OXR1: variants seen among roughly 807,000 people sequenced by gnomAD.
OXR1 encodes oxidation resistance 1, also known as oxidation resistance protein 1.
In OXR1, 41 loss-of-function variants were observed where a neutral mutation model predicts 104.6. The ratio of observed to expected loss-of-function variants is 0.39; its 90% confidence interval spans 0.31 to 0.51. The LOEUF is 0.51. Among genes scored for constraint, OXR1 ranks in the 20% least tolerant of loss-of-function variants. The pLI is 0.77. For missense variants in OXR1, 955 were observed against 1,031.9 expected, an observed-to-expected ratio of 0.93 and a Z score of 1.02; for synonymous variants, 348 against 348.4, an observed-to-expected ratio of 1.00 and a Z score of 0.01.
At chr8:106,506,450 A>G (rs190927367) in intron 2 of OXR1, among the ~76,000 whole-genome samples, 2,589 of 152,150 alleles carry the variant, frequency 0.017, 39 homozygotes, top group Non-Finnish European at 0.025. Context: ...CGTCTCTACT[A>G]AAAATACAAA....
At chr8:106,658,318 G>C (rs1228668314) in intron 3 of OXR1, 1 of 1,087,286 alleles carries the variant, frequency 9.2e-7, no homozygotes, top group South Asian at 4.7e-5. Context: ...CGGGCAACGT[G>C]GCCGGGGTGG....
At chr8:106,743,301 A>C (rs1270227692) in intron 15 of OXR1, among the ~76,000 whole-genome samples, 1 of 152,154 alleles carries the variant, frequency 6.6e-6, no homozygotes, top group African/African-American at 2.4e-5. Flanking sequence ...TTGCAGAGAA[A>C]AAGGAATGTT....
At chr8:106,710,395 A>G (rs552847191) in intron 9 of OXR1, among the ~76,000 whole-genome samples, 39 of 152,222 alleles carry the variant, frequency 2.6e-4, no homozygotes, top group Middle Eastern at 3.4e-3. Context: ...GTCCTTAGAC[A>G]TAATTTTTAT....
chr8:106,580,460 CTATT>C (rs1289894512), intron 3 of OXR1, among the ~76,000 whole-genome samples: 6 of 152,142 alleles, frequency 3.9e-5, no homozygotes, highest in African/African-American at 7.2e-5. Flanking sequence ...ATTTGTATAT[CTATT>C]CATTCATTGG....
At chr8:106,402,941 C>T (rs1404193506) in intron 2 of OXR1, among the ~76,000 whole-genome samples, 3 of 152,192 alleles carry the variant, frequency 2.0e-5, no homozygotes, top group Non-Finnish European at 4.4e-5. Flanking sequence ...CTGCCTCAGC[C>T]TCCAGAGTAG....
chr8:106,557,184 T>A (rs1055024790), intron 3 of OXR1, among the ~76,000 whole-genome samples: 1 of 152,202 alleles, frequency 6.6e-6, no homozygotes, highest in Non-Finnish European at 1.5e-5. Context: ...TTTCCTGTTC[T>A]AATTGAGGAA....
intron 2 of OXR1, among the ~76,000 whole-genome samples, chr8:106,466,281 A>T (rs1482962766): frequency 6.6e-6 from 1 of 151,976 alleles, no homozygotes; most frequent in East Asian, 1.9e-4. Flanking sequence ...TTTAGAAAAT[A>T]TTATAGAAGT....
chr8:106,524,593 C>A (rs1387501911), intron 3 of OXR1, among the ~76,000 whole-genome samples: 1 of 152,170 alleles, frequency 6.6e-6, no homozygotes, highest in Non-Finnish European at 1.5e-5. Flanking sequence ...TCAATCCCTG[C>A]TGTGTGAAGG....
At chr8:106,509,675 A>G (rs760819299) in intron 2 of OXR1, among the ~76,000 whole-genome samples, 132 of 152,216 alleles carry the variant, frequency 8.7e-4, no homozygotes, top group Non-Finnish European at 1.2e-3. Context: ...AGAAATTATA[A>G]AATGACTTAG....
chr8:106,507,787 G>A (rs994317812), intron 2 of OXR1, among the ~76,000 whole-genome samples: 1 of 152,152 alleles, frequency 6.6e-6, no homozygotes, highest in Non-Finnish European at 1.5e-5. Context: ...AGTGTAGGAG[G>A]AAGTTTTTCT....
intron 2 of OXR1, among the ~76,000 whole-genome samples, chr8:106,504,182 A>C (rs1012788973): frequency 3.3e-5 from 5 of 152,204 alleles, no homozygotes; most frequent in African/African-American, 1.2e-4. Flanking sequence ...CTTTGTACAC[A>C]TGAAGGAATT....
At position 106,726,406 on chromosome 8, in the gene OXR1, G is replaced by A. The variant is rs1833351415; in HGVS notation, c.1957-11114G>A. On this transcript the variant is annotated intron_variant, in intron 11 of 16. Coordinates refer to ENST00000517566, the MANE Select transcript of OXR1 (RefSeq NM_001198533.2). ...CAATTTCTGAAAGTTTAAGCATAGA[G>A]GATATTTATAGAATACAAAATTTTA... 6.0e-6 allele frequency: 4 copies of A among 670,090 alleles called. No homozygotes were observed. The East Asian group carries it at 1.3e-4, about 21-fold the overall frequency. 41.5% of individuals were successfully genotyped at this position (670,090 alleles called of 1,614,324 possible). A position where few individuals can be genotyped will look rare whatever the true frequency, so the allele number is the denominator to read the frequency against.
rs563208878 is a variant in OXR1 at position 106,720,755 on chromosome 8, A to G, written c.1956+6770A>G. The G allele has an allele frequency of 8.6e-6, 8 of 926,962 alleles. No homozygotes were observed. In the African/African-American group the frequency reaches 1.4e-4, roughly 16 times the overall value. 57.4% of individuals were successfully genotyped at this position (926,962 alleles called of 1,614,324 possible). A position where few individuals can be genotyped will look rare whatever the true frequency, so the allele number is the denominator to read the frequency against. ...AAACATACCAGGCTGTAAGTCAATG[A>G]TCTTTGAACTTTGTCTTCTTCAACT... On this transcript the variant is annotated intron_variant, in intron 11 of 16. Coordinates refer to ENST00000517566, the MANE Select transcript of OXR1 (RefSeq NM_001198533.2).
chr8:106,635,835 A>G (rs1823086283), intron 3 of OXR1, among the ~76,000 whole-genome samples: 1 of 152,188 alleles, frequency 6.6e-6, no homozygotes, highest in African/African-American at 2.4e-5. Context: ...TCTTTCTCCA[A>G]AGGATTTTTT....
At chr8:106,442,698 T>G (rs1212006420) in intron 2 of OXR1, among the ~76,000 whole-genome samples, 2 of 152,222 alleles carry the variant, frequency 1.3e-5, no homozygotes. Context: ...TCTAGTTTAT[T>G]TGCATAGAAG....
At chr8:106,480,615 A>C (rs1213384698) in intron 2 of OXR1, among the ~76,000 whole-genome samples, 1 of 151,970 alleles carries the variant, frequency 6.6e-6, no homozygotes, top group African/African-American at 2.4e-5. Context: ...CTACACAATA[A>C]GGGTTTACTG....
At chr8:106,324,568 C>T (rs990796559) in intron 1 of OXR1, among the ~76,000 whole-genome samples, 16 of 150,496 alleles carry the variant, frequency 1.1e-4, no homozygotes, top group African/African-American at 3.7e-4. Context: ...AACTTTAGAA[C>T]TCTCTGGCAA....
intron 2 of OXR1, among the ~76,000 whole-genome samples, chr8:106,369,435 C>T (rs559461625): frequency 3.9e-5 from 6 of 152,258 alleles, no homozygotes; most frequent in Admixed American, 6.5e-5. Flanking sequence ...GCTTTTGTTG[C>T]AATTGTTTTT....
At chr8:106,366,988 A>G (rs1816494292) in intron 2 of OXR1, among the ~76,000 whole-genome samples, 5 of 151,978 alleles carry the variant, frequency 3.3e-5, no homozygotes, top group Admixed American at 3.3e-4. Context: ...TCCAGTTTAA[A>G]CAATCACTTT....
Sources: gnomAD v4.1 joint callset for allele counts (sites outside exome capture counted in the v4.1 genomes callset) on GRCh38, gnomAD v4.1.1 for gene constraint, MANE v1.5 for transcripts, NCBI Gene and HGNC (gene_info 2026-07-23, HGNC 2026-07-21) for gene names.